Variants in BRINP3 observed in about 807,000 individuals in gnomAD.
BRINP3 encodes BMP/retinoic acid inducible neural specific 3, also known as BMP/retinoic acid-inducible neural-specific protein 3.
BRINP3 carries 19 observed loss-of-function variants against 71.0 expected under a neutral mutation model. That is an observed-to-expected ratio of 0.27 (90% CI 0.19 to 0.39). BRINP3 has a LOEUF of 0.39. BRINP3 is among the 10% of genes least tolerant of loss of function. The probability of loss-of-function intolerance (pLI) is 1.00; values close to 1 mark genes in which losing one functional copy is unlikely to be tolerated. For synonymous variants in BRINP3, 380 were observed against 337.7 expected (o/e 1.13, Z -1.37); for missense variants, 959 against 940.8 (o/e 1.02, Z -0.25).
At position 190,288,294 on chromosome 1, in the gene BRINP3, ATATT is replaced by A. The variant is rs1257985896; in HGVS notation, c.237-6548_237-6545del. 2.6e-4 allele frequency among the ~76,000 whole-genome samples: 39 copies of A among 152,016 alleles called. No homozygotes were observed. The East Asian group carries it at 5.6e-3, about 22-fold the overall frequency. ...CTGAGCTAAAATAAAATAAAATAAAATATTTAGTCTGTTTCTGATAAAAAGAGAT... is the reference window on the plus strand; with the variant it reads ...CTGAGCTAAAATAAAATAAAATAAAATAGTCTGTTTCTGATAAAAAGAGAT... On this transcript the variant is annotated intron_variant, in intron 2 of 7. Coordinates refer to ENST00000367462, the MANE Select transcript of BRINP3 (RefSeq NM_199051.3).
intron 1 of BRINP3, among the ~76,000 whole-genome samples, chr1:190,472,380 A>C (rs781464420): frequency 2.6e-5 from 4 of 151,720 alleles, no homozygotes; most frequent in Non-Finnish European, 5.9e-5. Flanking sequence ...AAGCCTTAGA[A>C]GAGAACATCA....
At chr1:190,127,342 T>C (rs1654167886) in intron 7 of BRINP3, among the ~76,000 whole-genome samples, 2 of 151,890 alleles carry the variant, frequency 1.3e-5, no homozygotes, top group Admixed American at 1.3e-4. Flanking sequence ...AATATTAAAG[T>C]GTTTTAAAGT....
At chr1:190,422,723 C>A (rs959018109) in intron 2 of BRINP3, among the ~76,000 whole-genome samples, 2 of 151,728 alleles carry the variant, frequency 1.3e-5, no homozygotes, top group Non-Finnish European at 2.9e-5. Context: ...GAGACTAGGG[C>A]AAGAAGGGAA....
intron 1 of BRINP3, among the ~76,000 whole-genome samples, chr1:190,458,885 A>C (rs1390010317): frequency 6.6e-6 from 1 of 151,980 alleles, no homozygotes; most frequent in Non-Finnish European, 1.5e-5. Context: ...AGATGAGAAC[A>C]TCAATGCACC....
At position 190,227,869 on chromosome 1, in the gene BRINP3, T is replaced by C. The variant is rs1657549359; in HGVS notation, c.725-1551A>G. ...GAGTCATGTTGTTGGGATTCCTATG[T>C]CAGGGAATATAGAATTAATTCATTT... On this transcript the variant is annotated intron_variant, in intron 5 of 7. Coordinates refer to ENST00000367462, the MANE Select transcript of BRINP3 (RefSeq NM_199051.3). Among the ~76,000 whole-genome samples, 4 of 151,950 alleles carry C rather than the reference T, an allele frequency of 2.6e-5. No homozygotes were observed. In the Admixed American group the frequency reaches 2.6e-4, roughly 10 times the overall value.
chr1:190,342,518 A>T (rs1667731201), intron 2 of BRINP3: 1 of 151,206 alleles, frequency 6.6e-6, no homozygotes, highest in South Asian at 2.1e-4. Context: ...TCTGGAGTCA[A>T]ATATTTCATT....
chr1:190,404,650 T>C (rs1334652814), intron 2 of BRINP3, among the ~76,000 whole-genome samples: 1 of 152,218 alleles, frequency 6.6e-6, no homozygotes, highest in African/African-American at 2.4e-5. Context: ...ACGCATTATG[T>C]CATTTGGCCC....
chr1:190,264,733 A>T, intron 4 of BRINP3, 132 bp downstream of exon 4: 1 of 676,056 alleles, frequency 1.5e-6, no homozygotes, highest in Non-Finnish European at 2.3e-6. Context: ...ACTGAAAGCA[A>T]GAAAATTGTA....
Position 190,260,439 on chromosome 1 carries a change from T to C in BRINP3, c.618+4426A>G, listed in dbSNP as rs144597967. 3.3e-3 allele frequency among the ~76,000 whole-genome samples: 501 copies of C among 152,006 alleles called. 4 individuals are homozygous for C. The highest frequency in any genetic ancestry group is 0.011 in the African/African-American group (463 of 41,450). On this transcript the variant is annotated intron_variant, in intron 4 of 7. Transcript: ENST00000367462. ...CCTAAATATATACAATCAAAAAGAGTACCAAATATGAATCTTTCCTATAAA... is the reference window on the plus strand; with the variant it reads ...CCTAAATATATACAATCAAAAAGAGCACCAAATATGAATCTTTCCTATAAA...
At chr1:190,159,639 A>G (rs1444503268) in intron 7 of BRINP3, among the ~76,000 whole-genome samples, 1 of 152,090 alleles carries the variant, frequency 6.6e-6, no homozygotes, top group African/African-American at 2.4e-5. Context: ...ATCTATAGAG[A>G]CAAATAGTAG....
At chr1:190,130,994 G>A (rs1654495444) in intron 7 of BRINP3, among the ~76,000 whole-genome samples, 1 of 151,744 alleles carries the variant, frequency 6.6e-6, no homozygotes, top group Non-Finnish European at 1.5e-5. Context: ...ATCACCTTGG[G>A]TTCTTTTAAC....
chr1:190,326,384 G>A (rs1452976511), intron 2 of BRINP3, among the ~76,000 whole-genome samples: 2 of 152,050 alleles, frequency 1.3e-5, no homozygotes, highest in African/African-American at 2.4e-5. Flanking sequence ...ATATATTTGA[G>A]GGAATAACAC....
At chr1:190,276,835 G>A (rs1253355005) in intron 3 of BRINP3, among the ~76,000 whole-genome samples, 2 of 150,226 alleles carry the variant, frequency 1.3e-5, no homozygotes, top group African/African-American at 4.9e-5. Flanking sequence ...TTTAGCCATA[G>A]AGTAATCAAA....
chr1:190,131,897 A>G (rs1654574391), intron 7 of BRINP3, among the ~76,000 whole-genome samples: 1 of 152,080 alleles, frequency 6.6e-6, no homozygotes, highest in Non-Finnish European at 1.5e-5. Flanking sequence ...CTTTGGAAAT[A>G]TATGGATATA....
chr1:190,317,240 A>AGCT (rs1665949366), intron 2 of BRINP3, among the ~76,000 whole-genome samples: 1 of 151,658 alleles, frequency 6.6e-6, no homozygotes, highest in Non-Finnish European at 1.5e-5. Flanking sequence ...TCTCAGCAGC[A>AGCT]GCTGATGTAA....
chr1:190,405,191 C>CCA (rs974563808), intron 2 of BRINP3, among the ~76,000 whole-genome samples: 9 of 152,078 alleles, frequency 5.9e-5, no homozygotes, highest in Non-Finnish European at 1.3e-4. Context: ...GTGGCTCACG[C>CCA]CTGTAATCCC....
At chr1:190,465,240 T>G (rs954552949) in intron 1 of BRINP3, among the ~76,000 whole-genome samples, 3 of 151,954 alleles carry the variant, frequency 2.0e-5, no homozygotes, top group African/African-American at 7.2e-5. Flanking sequence ...ATAAAGAAAT[T>G]GTCAGGCACT....
Position 190,281,590 on chromosome 1 carries a change from T to A in BRINP3, c.397A>T (p.Thr133Ser). The change falls in exon 3 of 8, where the codon ACA (threonine) becomes TCA (serine). Residue 133 changes from threonine (T) to serine (S), a missense_variant. Physicochemically the swap from Thr to Ser is moderately conservative, Grantham distance 58. Transcript: ENST00000367462. ...ITENLIKKYG[T>S]HFLLSATLGG... ...AGAGTAGCAGATAGCAAGAAATGTG[T>A]CCCATATTTCTTGATAAGGTTTTCT... The A allele has an allele frequency of 6.2e-7, 1 of 1,612,606 alleles. No homozygotes were observed. The highest frequency in any genetic ancestry group is 8.5e-7 in the Non-Finnish European group (1 of 1,179,084).
chr1:190,387,672 T>G (rs1302412007), intron 2 of BRINP3, among the ~76,000 whole-genome samples: 1 of 151,810 alleles, frequency 6.6e-6, no homozygotes, highest in Non-Finnish European at 1.5e-5. Flanking sequence ...TTCCTATGTC[T>G]CATTTGTTTG....
Sources: allele counts gnomAD v4.1 joint callset (sites outside exome capture counted in the v4.1 genomes callset), GRCh38; gene constraint gnomAD v4.1.1; transcripts MANE v1.5; gene names NCBI Gene and HGNC (gene_info 2026-07-23, HGNC 2026-07-21).